MC2R: variants seen among roughly 807,000 people sequenced by gnomAD.
MC2R encodes the protein melanocortin 2 receptor, also known as adrenocorticotropic hormone receptor.
MC2R carries 9 observed loss-of-function variants against 9.8 expected under a neutral mutation model. The observed-to-expected ratio is 0.92, with a 90% CI of 0.55 to 1.60. The LOEUF is 1.60. Among genes scored for constraint, MC2R ranks in the 40% most tolerant of loss-of-function variants. The probability of loss-of-function intolerance (pLI) is 0.00; values close to 1 mark genes in which losing one functional copy is unlikely to be tolerated. For missense variants in MC2R, 370 were observed against 389.0 expected, an observed-to-expected ratio of 0.95 and a Z score of 0.41; for synonymous variants, 185 against 154.7, an observed-to-expected ratio of 1.20 and a Z score of -1.45.
intron 1 of MC2R, among the ~76,000 whole-genome samples, chr18:13,894,297 G>A (rs1048431035): frequency 1.3e-5 from 2 of 152,024 alleles, no homozygotes; most frequent in Non-Finnish European, 2.9e-5. Flanking sequence ...GCGATCTTTT[G>A]GGTATTACTA....
Position 13,884,793 on chromosome 18 carries a change from C to G in MC2R, c.726G>C (p.Met242Ile). ...WAPFVLHVLL[M>I]TFCPSNPYCA... ...AGTAGGGGTTACTTGGGCAGAATGT[C>G]ATCAAGAGGACATGAAGCACAAAGG... Residue 242 changes from methionine to isoleucine, a missense_variant, in exon 2 of 2, where the codon ATG (methionine) becomes ATC (isoleucine). Coordinates refer to ENST00000327606, the MANE Select transcript of MC2R (RefSeq NM_000529.2). 1 of 1,613,946 alleles carries G rather than the reference C, an allele frequency of 6.2e-7. No individual in the cohort carries two copies. Among genetic ancestry groups the G allele is most frequent in the Non-Finnish European group, 8.5e-7 (1 of 1,180,000 alleles).
At chr18:13,897,632 A>G (rs772287043) in intron 1 of MC2R, among the ~76,000 whole-genome samples, 5 of 152,060 alleles carry the variant, frequency 3.3e-5, no homozygotes, top group Non-Finnish European at 7.4e-5. Context: ...AGGAGAGGAG[A>G]AGAGAAGGAA....
At position 13,882,303 on chromosome 18, in the gene MC2R, A is replaced by T. The variant is rs1169980195; in HGVS notation, c.*2322T>A. ...CATTTGGAATTCTATATGAAGTTAGAGGTAGAAAAACGTGAGTTTTCTCAG... is the reference window on the plus strand; with the variant it reads ...CATTTGGAATTCTATATGAAGTTAGTGGTAGAAAAACGTGAGTTTTCTCAG... On this transcript the variant is annotated 3_prime_UTR_variant, in exon 2 of 2. Transcript: ENST00000327606. The T allele has an allele frequency of 6.6e-6, 1 of 152,236 alleles. No individual in the cohort carries two copies. Among genetic ancestry groups the T allele is most frequent in the South Asian group, 2.1e-4 (1 of 4,830 alleles). The allele number at this position is 152,236 out of a possible 1,614,324, so 9.4% of individuals were successfully genotyped here.
At chr18:13,895,250 T>C (rs9961110) in intron 1 of MC2R, among the ~76,000 whole-genome samples, 73,934 of 152,080 alleles carry the variant, frequency 0.49, 18,409 homozygotes, top group Middle Eastern at 0.61. Context: ...TCATCATATA[T>C]CAGAGCTTAC....
chr18:13,884,654 T>G lies in MC2R; in HGVS notation c.865A>C (p.Lys289Gln), dbSNP rs1304747118. The change falls in exon 2 of 2, where the codon AAG becomes CAG. Residue 289 changes from lysine to glutamine, a missense_variant. Transcript: ENST00000327606. ...CAGTACCTGCTGCAGAAGATCATCT[T>G]TTTGAATGCGTCCCTGAGCTCTGGG... is the stretch of plus-strand genomic sequence containing the variant. The part of the protein sequence containing the change: ...RSPELRDAFK[K>Q]MIFCSRYW The G allele has an allele frequency of 1.2e-6, 2 of 1,613,506 alleles. No individual in the cohort carries two copies. Among genetic ancestry groups the G allele is most frequent in the Non-Finnish European group, 1.7e-6 (2 of 1,180,040 alleles).
chr18:13,895,863 G>A lies in MC2R; in HGVS notation c.-128-10217C>T, dbSNP rs185940228. On this transcript the variant is annotated intron_variant, in intron 1 of 1. Transcript: ENST00000327606. ...CGCAACAGCAACACCATGAGGCAGCGAGAAGCAAGGACAGTAGTAGATCAG... is the reference window on the plus strand; with the variant it reads ...CGCAACAGCAACACCATGAGGCAGCAAGAAGCAAGGACAGTAGTAGATCAG... 2.4e-3 allele frequency among the ~76,000 whole-genome samples: 372 copies of A among 152,296 alleles called. 4 individuals carry two copies. The highest frequency in any genetic ancestry group is 3.3e-3 in the Non-Finnish European group (222 of 68,026).
At chr18:13,897,551 T>C (rs558119623) in intron 1 of MC2R, among the ~76,000 whole-genome samples, 7 of 152,170 alleles carry the variant, frequency 4.6e-5, no homozygotes, top group African/African-American at 1.7e-4. Flanking sequence ...AAGGGAGTGC[T>C]GGCATCACCT....
chr18:13,915,037 A>G (rs1188983241), intron 1 of MC2R, among the ~76,000 whole-genome samples: 1 of 152,198 alleles, frequency 6.6e-6, no homozygotes, highest in Admixed American at 6.5e-5. Context: ...TTAGACACCA[A>G]TGCCTGAGGT....
chr18:13,906,187 C>T (rs2045413265), intron 1 of MC2R, among the ~76,000 whole-genome samples: 2 of 152,192 alleles, frequency 1.3e-5, no homozygotes, highest in Admixed American at 1.3e-4. Context: ...CCCAAATGTC[C>T]ATCAATGATA....
chr18:13,905,537 C>T (rs1369615961), intron 1 of MC2R, among the ~76,000 whole-genome samples: 1 of 150,800 alleles, frequency 6.6e-6, no homozygotes, highest in Non-Finnish European at 1.5e-5. Flanking sequence ...AAATCAAAAC[C>T]ACAACGAGAT....
intron 1 of MC2R, among the ~76,000 whole-genome samples, chr18:13,904,865 G>T (rs1246599452): frequency 6.6e-6 from 1 of 151,986 alleles, no homozygotes; most frequent in East Asian, 1.9e-4. Flanking sequence ...ACTGAAACCG[G>T]GCCCCTTCCT....
At chr18:13,912,881 C>G (rs1388266296) in intron 1 of MC2R, among the ~76,000 whole-genome samples, 1 of 152,006 alleles carries the variant, frequency 6.6e-6, no homozygotes, top group Non-Finnish European at 1.5e-5. Context: ...CGCATAGGCT[C>G]AATTATGAGA....
chr18:13,884,490 T>A lies in MC2R; in HGVS notation c.*135A>T. 2.1e-6 allele frequency: 2 copies of A among 966,630 alleles called. No homozygotes were observed. Among genetic ancestry groups the A allele is most frequent in the Non-Finnish European group, 3.3e-6 (2 of 613,624 alleles). The allele number at this position is 966,630 out of a possible 1,614,324, so 59.9% of individuals were successfully genotyped here. Reference sequence around the variant, plus strand: ...CATAGAACCTAGCTATTAGAAACACTAGCTGGTGGGATCATCCTTGCATCC... The same window carrying A: ...CATAGAACCTAGCTATTAGAAACACAAGCTGGTGGGATCATCCTTGCATCC... On this transcript the variant is annotated 3_prime_UTR_variant, in exon 2 of 2. Coordinates refer to ENST00000327606, the MANE Select transcript of MC2R (RefSeq NM_000529.2).
At chr18:13,900,509 AC>A (rs1299295623) in intron 1 of MC2R, among the ~76,000 whole-genome samples, 1 of 152,100 alleles carries the variant, frequency 6.6e-6, no homozygotes. Context: ...TACAAGAAAC[AC>A]ACTTCACCTA....
intron 1 of MC2R, among the ~76,000 whole-genome samples, chr18:13,892,392 G>A (rs1472554158): frequency 6.6e-6 from 1 of 152,120 alleles, no homozygotes; most frequent in East Asian, 1.9e-4. Flanking sequence ...AAGCCTGTAG[G>A]ACTGGCTGCC....
intron 1 of MC2R, among the ~76,000 whole-genome samples, chr18:13,902,973 G>T (rs1025929575): frequency 2.0e-5 from 3 of 152,052 alleles, no homozygotes; most frequent in African/African-American, 7.2e-5. Flanking sequence ...GAATATATAA[G>T]GAGCTCAAAC....
chr18:13,899,872 C>T (rs1369072547), intron 1 of MC2R, among the ~76,000 whole-genome samples: 1 of 152,052 alleles, frequency 6.6e-6, no homozygotes, highest in African/African-American at 2.4e-5. Context: ...GTACTTCAAT[C>T]AGAAAGAAAA....
intron 1 of MC2R, among the ~76,000 whole-genome samples, chr18:13,889,745 C>T (rs2045303850): frequency 1.3e-5 from 2 of 152,066 alleles, no homozygotes; most frequent in Admixed American, 1.3e-4. Context: ...AAGGAGAAGG[C>T]TCTATTATGT....
rs1258976941 is a variant in MC2R at position 13,889,504 on chromosome 18, C to T, written c.-128-3858G>A. On this transcript the variant is annotated intron_variant, in intron 1 of 1. Coordinates refer to ENST00000327606, the MANE Select transcript of MC2R (RefSeq NM_000529.2). ...GGACTGCAAGGAAAAGCAAAACCGA[C>T]TTTTGTTTTTTGGCTGGGAGGGGCG... 2.0e-5 allele frequency among the ~76,000 whole-genome samples: 3 copies of T among 152,108 alleles called. No individual in the cohort carries two copies. The East Asian group carries it at 5.8e-4, about 29-fold the overall frequency.
Sources: gnomAD v4.1 joint callset for allele counts (sites outside exome capture counted in the v4.1 genomes callset) on GRCh38, gnomAD v4.1.1 for gene constraint, MANE v1.5 for transcripts, NCBI Gene and HGNC (gene_info 2026-07-23, HGNC 2026-07-21) for gene names.